Variants in DACH2 observed in about 807,000 individuals in gnomAD.
DACH2 encodes the protein dachshund homolog 2.
Under a neutral mutation model 35.8 loss-of-function variants are expected in DACH2, and 17 were observed. The ratio of observed to expected loss-of-function variants is 0.48; its 90% CI spans 0.33 to 0.71. The LOEUF (loss-of-function observed/expected upper bound fraction) is 0.71. Ranked by LOEUF, DACH2 falls within the 30% of genes least tolerant of loss-of-function variation. The pLI is 0.02. For synonymous variants in DACH2, 195 were observed against 177.3 expected (o/e 1.10, Z -0.79); for missense variants, 469 against 472.7 (o/e 0.99, Z 0.07).
intron 1 of DACH2, among the ~76,000 whole-genome samples, chrX:86,304,020 A>G (rs2034627610): frequency 8.9e-6 from 1 of 111,849 alleles, no homozygotes; most frequent in African/African-American, 3.2e-5. Context: ...TGCCATTGAC[A>G]TAAAAACAGA....
rs1225501875 is a variant in DACH2 at position 86,387,902 on chromosome X, A to T, written c.527+11040A>T. Among the ~76,000 whole-genome samples, 4 of 112,377 alleles carry T rather than the reference A, an allele frequency of 3.6e-5. No individual in the cohort carries two copies. In the Admixed American group the frequency reaches 3.8e-4, roughly 11 times the overall value. The stretch of plus-strand genomic sequence containing the variant: ...CATGTAACAAAATGCAGGCAGAAAC[A>T]TACAGTTGAAATGGCTATATATGCA... On this transcript the variant is annotated intron_variant, in intron 2 of 11. Coordinates refer to ENST00000373125, the MANE Select transcript of DACH2 (RefSeq NM_053281.3).
chrX:86,289,420 ATTT>A (rs1470601907), intron 1 of DACH2, among the ~76,000 whole-genome samples: 3 of 107,463 alleles, frequency 2.8e-5, no homozygotes, highest in African/African-American at 1.0e-4. Flanking sequence ...TTATTTATTT[ATTT>A]ATTTATTATT....
intron 1 of DACH2, among the ~76,000 whole-genome samples, chrX:86,218,582 G>A (rs1473419323): frequency 8.9e-6 from 1 of 111,764 alleles, no homozygotes; most frequent in Non-Finnish European, 1.9e-5. Flanking sequence ...AATGGTTGTT[G>A]TAAATCTCGT....
chrX:86,304,650 G>A (rs2034642000), intron 1 of DACH2: 2 of 167,318 alleles, frequency 1.2e-5, no homozygotes, highest in African/African-American at 6.2e-5. Context: ...AGAAGGTCTG[G>A]ACAGCATCCA....
intron 2 of DACH2, among the ~76,000 whole-genome samples, chrX:86,399,761 G>T (rs1340934746): frequency 1.8e-5 from 2 of 112,046 alleles, no homozygotes; most frequent in Admixed American, 9.5e-5. Context: ...CTGTTAGTCT[G>T]ATGGGCTTTC....
intron 4 of DACH2, among the ~76,000 whole-genome samples, chrX:86,660,490 G>A (rs1254770329): frequency 9.0e-6 from 1 of 111,510 alleles, no homozygotes; most frequent in African/African-American, 3.3e-5. Context: ...CTTAAACTGG[G>A]CCAAAAAATA....
rs770567859 is a variant in DACH2, at chrX:86,148,716, C to T, written c.96C>T (p.Pro32=). 1.7e-6 allele frequency: 2 copies of T among 1,210,974 alleles called. No individual in the cohort carries two copies. Among genetic ancestry groups the T allele is most frequent in the East Asian group, 5.9e-5 (2 of 33,785 alleles). The stretch of plus-strand genomic sequence containing the variant: ...GGGCCGAACCCCTGTACTCGACTCC[C>T]AGAGAGCCCCCTCGTCTTACTCCTA... The part of the protein sequence containing the change: ...LFRAEPLYST[P]REPPRLTPNM... Residue 32 remains proline, a synonymous_variant, in exon 1 of 12, where the codon CCC becomes CCT. Transcript: ENST00000373125.
intron 5 of DACH2, among the ~76,000 whole-genome samples, chrX:86,696,982 C>G (rs183011044): frequency 3.9e-4 from 44 of 111,554 alleles, no homozygotes; most frequent in African/African-American, 1.4e-3. Context: ...TTGCTAGAGC[C>G]TAACTGACCT....
intron 1 of DACH2, among the ~76,000 whole-genome samples, chrX:86,331,293 C>A (rs1001984300): frequency 2.1e-4 from 23 of 111,044 alleles, no homozygotes; most frequent in African/African-American, 6.9e-4. Context: ...CCCATTGACA[C>A]AAACTAACCC....
intron 9 of DACH2, among the ~76,000 whole-genome samples, chrX:86,813,716 G>A (rs895338406): frequency 4.6e-5 from 5 of 109,498 alleles, no homozygotes; most frequent in African/African-American, 1.7e-4. Flanking sequence ...TGGTCCCCTG[G>A]CCAACTATAT....
intron 2 of DACH2, among the ~76,000 whole-genome samples, chrX:86,400,958 C>T (rs756886122): frequency 5.3e-5 from 6 of 112,527 alleles, no homozygotes; most frequent in African/African-American, 9.7e-5. Flanking sequence ...TTTTGTTTGT[C>T]GGTGCCCTGC....
At chrX:86,274,168 T>C (rs1182805997) in intron 1 of DACH2, among the ~76,000 whole-genome samples, 2 of 111,209 alleles carry the variant, frequency 1.8e-5, no homozygotes, top group East Asian at 5.7e-4. Context: ...TATCTGTAGG[T>C]TAAATTACTG....
In DACH2 at chrX:86,609,971, C is replaced by A. The variant is rs73245372; in HGVS notation, c.641-41065C>A. ...GGTGTAACCACTTCCTGGCTTCCAC[C>A]CATATTTACTTAATGACCTGGGAAT... On this transcript the variant is annotated intron_variant, in intron 3 of 11. Coordinates refer to ENST00000373125, the MANE Select transcript of DACH2 (RefSeq NM_053281.3). Among the ~76,000 whole-genome samples, 473 of 111,379 alleles carry A rather than the reference C, an allele frequency of 4.2e-3. 3 individuals are homozygous for A. The highest frequency in any genetic ancestry group is 0.024 in the South Asian group (64 of 2,632).
intron 1 of DACH2, among the ~76,000 whole-genome samples, chrX:86,208,547 G>T (rs369673959): frequency 9.0e-6 from 1 of 111,233 alleles, no homozygotes; most frequent in Non-Finnish European, 1.9e-5. Context: ...AAAAATATTA[G>T]CACTATTACT....
At chrX:86,202,514 T>G (rs2032181944) in intron 1 of DACH2, among the ~76,000 whole-genome samples, 1 of 111,647 alleles carries the variant, frequency 9.0e-6, no homozygotes. Flanking sequence ...GTAAAAGTAC[T>G]TTGCATTTTC....
intron 1 of DACH2, among the ~76,000 whole-genome samples, chrX:86,325,758 A>C (rs1319007886): frequency 9.0e-6 from 1 of 111,731 alleles, no homozygotes; most frequent in Non-Finnish European, 1.9e-5. Flanking sequence ...TGTTATATTT[A>C]TGTAAATTCT....
chrX:86,247,926 A>T (rs1013761090), intron 1 of DACH2, among the ~76,000 whole-genome samples: 4 of 111,686 alleles, frequency 3.6e-5, no homozygotes, highest in Non-Finnish European at 7.5e-5. Flanking sequence ...CATAGATAGA[A>T]CTAGAAACAA....
chrX:86,799,182 C>A, intron 7 of DACH2: 1 of 266,905 alleles, frequency 3.7e-6, no homozygotes. Flanking sequence ...GATCCAACAA[C>A]TTTTTGAAAC....
chrX:86,633,358 T>C (rs1415013419), intron 3 of DACH2, among the ~76,000 whole-genome samples: 2 of 110,425 alleles, frequency 1.8e-5, no homozygotes, highest in Admixed American at 9.7e-5. Context: ...ACAGAGAAAT[T>C]GGATAAATTC....
Sources: gnomAD v4.1 joint callset for allele counts (sites outside exome capture counted in the v4.1 genomes callset) on GRCh38, gnomAD v4.1.1 for gene constraint, MANE v1.5 for transcripts, NCBI Gene and HGNC (gene_info 2026-07-23, HGNC 2026-07-21) for gene names.